Variants in RAPGEF2 observed in about 807,000 individuals in gnomAD.
RAPGEF2 encodes the protein PDZ domain containing guanine nucleotide exchange factor (GEF) 1.
Under a neutral mutation model 186.7 loss-of-function variants are expected in RAPGEF2, and 54 were observed. The observed-to-expected ratio is 0.29, with a 90% CI of 0.23 to 0.36. The LOEUF is 0.36. Ranked by LOEUF, RAPGEF2 falls within the 10% of genes least tolerant of loss-of-function variation. The pLI, the probability that RAPGEF2 is intolerant of heterozygous loss-of-function variation, is 1.00. For synonymous variants in RAPGEF2, 712 were observed against 705.9 expected (o/e 1.01, Z -0.14); for missense variants, 1,532 against 2,045.0 (o/e 0.75, Z 4.84).
At chr4:159,224,286 G>A (rs1344447162) in intron 4 of RAPGEF2, among the ~76,000 whole-genome samples, 1 of 152,070 alleles carries the variant, frequency 6.6e-6, no homozygotes, top group Non-Finnish European at 1.5e-5. Flanking sequence ...TTTTTTCATT[G>A]ATTATCTATG....
In RAPGEF2 at chr4:159,251,167, C is replaced by G. The variant is rs112040859; in HGVS notation, c.543+7376C>G. ...ATTCTCGCCAGGCCTCAGCCACCTC[C>G]CCATGGGGCAGGGCTCGGGACCTGC... On this transcript the variant is annotated intron_variant, in intron 7 of 29. Transcript: ENST00000691494. Among the ~76,000 whole-genome samples, 501 of 152,362 alleles carry G rather than the reference C, an allele frequency of 3.3e-3. 2 individuals are homozygous for G. The highest frequency in any genetic ancestry group is 0.011 in the African/African-American group (452 of 41,586).
intron 3 of RAPGEF2, among the ~76,000 whole-genome samples, chr4:159,200,759 G>C (rs1749314723): frequency 6.6e-6 from 1 of 151,702 alleles, no homozygotes; most frequent in Admixed American, 6.6e-5. Flanking sequence ...ATCTTAAAAT[G>C]GTGTTTTCTT....
intron 11 of RAPGEF2, chr4:159,326,972 G>A (rs1766014258): frequency 6.6e-6 from 1 of 152,308 alleles, no homozygotes. Context: ...AGACTGCAAA[G>A]TGCCAGTTTA....
chr4:159,229,850 CTG>C (rs1382360829), intron 4 of RAPGEF2, among the ~76,000 whole-genome samples: 1 of 152,144 alleles, frequency 6.6e-6, no homozygotes, highest in Non-Finnish European at 1.5e-5. Context: ...TAGGAGTAAT[CTG>C]TTTCATATGC....
At chr4:159,204,801 G>A (rs141199886) in intron 3 of RAPGEF2, among the ~76,000 whole-genome samples, 29 of 152,242 alleles carry the variant, frequency 1.9e-4, no homozygotes, top group African/African-American at 6.5e-4. Flanking sequence ...ATTCTAAGAA[G>A]GATTTGGTCT....
At chr4:159,249,340 A>C (rs1755029902) in intron 7 of RAPGEF2, among the ~76,000 whole-genome samples, 1 of 137,888 alleles carries the variant, frequency 7.3e-6, no homozygotes, top group Non-Finnish European at 1.5e-5. Flanking sequence ...ATTTCCTGCC[A>C]GTGCTGAATT....
chr4:159,172,839 CTG>C (rs1746056352), intron 1 of RAPGEF2, among the ~76,000 whole-genome samples: 1 of 152,138 alleles, frequency 6.6e-6, no homozygotes, highest in African/African-American at 2.4e-5. Flanking sequence ...TTTTAAGTCT[CTG>C]ATTCTTCTTT....
At chr4:159,334,305 A>C (rs1364803113) in intron 17 of RAPGEF2, among the ~76,000 whole-genome samples, 1 of 152,176 alleles carries the variant, frequency 6.6e-6, no homozygotes, top group East Asian at 1.9e-4. Context: ...GCTGGAGTGC[A>C]ATTGCTGTGA....
chr4:159,166,369 C>G (rs1265000301), intron 1 of RAPGEF2, among the ~76,000 whole-genome samples: 1 of 152,176 alleles, frequency 6.6e-6, no homozygotes, highest in Non-Finnish European at 1.5e-5. Context: ...AGCAAACCCT[C>G]AGGGCTCTGG....
intron 1 of RAPGEF2, among the ~76,000 whole-genome samples, chr4:159,108,392 T>C (rs1424358958): frequency 1.3e-5 from 2 of 150,646 alleles, no homozygotes; most frequent in African/African-American, 2.4e-5. Context: ...TCTTTTTTTT[T>C]TTTTTTTTTT....
In RAPGEF2 at chr4:159,358,514, T is replaced by A. The variant is rs1279496121; in HGVS notation, c.*375T>A. ...GAAGGATTTTTTTTAATCTTCCTTT[T>A]AGATTTCAATCCAGTCCTAGCACTT... On this transcript the variant is annotated 3_prime_UTR_variant, in exon 30 of 30. Transcript: ENST00000691494. The A allele has an allele frequency of 4.8e-6, 1 of 210,086 alleles. No homozygotes were observed. 13.0% of individuals were successfully genotyped at this position (210,086 alleles called of 1,614,324 possible).
rs574711178 is a variant in RAPGEF2 at position 159,322,225 on chromosome 4, T to C, written c.854-122T>C. On this transcript the variant is annotated intron_variant, in intron 9 of 29. Coordinates refer to ENST00000691494, the MANE Select transcript of RAPGEF2 (RefSeq NM_001394067.2). ...CAGCTGGTGCTAAAGATACTTGATA[T>C]GTATTTTTCAATAAGCAAAATTGTA... is the stretch of plus-strand genomic sequence containing the variant. The C allele has an allele frequency of 9.3e-4, 708 of 761,026 alleles. 3 individuals carry two copies. Among genetic ancestry groups the C allele is most frequent in the Non-Finnish European group, 1.3e-3 (621 of 478,066 alleles). 47.1% of individuals were successfully genotyped at this position (761,026 alleles called of 1,614,324 possible).
intron 8 of RAPGEF2, among the ~76,000 whole-genome samples, chr4:159,312,967 A>T (rs912102500): frequency 1.8e-4 from 27 of 152,160 alleles, no homozygotes; most frequent in African/African-American, 6.3e-4. Flanking sequence ...AGCCAACATG[A>T]TGAAATCCCG....
chr4:159,311,231 T>C (rs903530954), intron 8 of RAPGEF2, among the ~76,000 whole-genome samples: 2 of 152,230 alleles, frequency 1.3e-5, no homozygotes, highest in South Asian at 2.1e-4. Context: ...TAGACACATA[T>C]GATAGTCATT....
intron 3 of RAPGEF2, among the ~76,000 whole-genome samples, chr4:159,194,503 A>C (rs1366972978): frequency 6.6e-6 from 1 of 151,352 alleles, no homozygotes; most frequent in African/African-American, 2.4e-5. Flanking sequence ...TTCATTTCTT[A>C]CTCTCCCCTC....
At chr4:159,203,396 A>G (rs1312128734) in intron 3 of RAPGEF2, among the ~76,000 whole-genome samples, 5 of 152,154 alleles carry the variant, frequency 3.3e-5, no homozygotes, top group Non-Finnish European at 7.3e-5. Context: ...GAGTTTAAAA[A>G]CTATTGAGGA....
At chr4:159,352,650 A>G (rs369528193) in intron 26 of RAPGEF2, 35 bp from the exon 27 acceptor site, 131 of 1,509,070 alleles carry the variant, frequency 8.7e-5, no homozygotes, top group Non-Finnish European at 1.1e-4. Context: ...ATAAACCTAG[A>G]GAGTCTAATT....
chr4:159,166,111 G>A (rs936567962), intron 1 of RAPGEF2, among the ~76,000 whole-genome samples: 4 of 152,050 alleles, frequency 2.6e-5, no homozygotes, highest in African/African-American at 7.2e-5. Flanking sequence ...TTGGGAGTTT[G>A]AAACCAGCCT....
At chr4:159,283,113 CT>C (rs1759954387) in intron 7 of RAPGEF2, among the ~76,000 whole-genome samples, 1 of 152,158 alleles carries the variant, frequency 6.6e-6, no homozygotes, top group Non-Finnish European at 1.5e-5. Context: ...GGAAAACAAG[CT>C]CTTAAGGCTT....
Sources: gnomAD v4.1 joint callset for allele counts (sites outside exome capture counted in the v4.1 genomes callset) on GRCh38, gnomAD v4.1.1 for gene constraint, MANE v1.5 for transcripts, NCBI Gene and HGNC (gene_info 2026-07-23, HGNC 2026-07-21) for gene names.